The following MAP3K21 variants were observed in gnomAD, a reference collection of about 807,000 sequenced individuals.
MAP3K21 encodes the protein mitogen-activated protein kinase kinase kinase MLK4.
In MAP3K21, 63 loss-of-function variants were observed where a neutral mutation model predicts 86.1. That is an observed-to-expected ratio of 0.73 (90% CI 0.60 to 0.90). The LOEUF (loss-of-function observed/expected upper bound fraction) is 0.90, where lower values mean the gene tolerates loss of function less well. Among genes scored for constraint, MAP3K21 ranks in the 40% least tolerant of loss-of-function variants. The probability of loss-of-function intolerance (pLI) is 0.00; values close to 1 mark genes in which losing one functional copy is unlikely to be tolerated. For missense variants in MAP3K21, 1,220 were observed against 1,367.7 expected (o/e 0.89, Z 1.70); for synonymous variants, 558 against 564.8 (o/e 0.99, Z 0.17).
intron 4 of MAP3K21, among the ~76,000 whole-genome samples, chr1:233,355,236 AAAAG>A (rs1414165870): frequency 1.7e-5 from 2 of 119,906 alleles, no homozygotes; most frequent in Non-Finnish European, 3.5e-5. Flanking sequence ...TTCAAAGTAA[AAAAG>A]AGAGAGAGAG....
At chr1:233,382,269 T>C (rs750813362) in intron 9 of MAP3K21, 36 bp from the exon 10 acceptor site, 2 of 1,552,590 alleles carry the variant, frequency 1.3e-6, no homozygotes, top group South Asian at 2.3e-5. Flanking sequence ...ACTCATTTTC[T>C]TTCTAACTGC....
intron 9 of MAP3K21, 57 bp from the exon 10 acceptor site, chr1:233,382,248 A>G (rs1663931023): frequency 7.1e-7 from 1 of 1,406,238 alleles, no homozygotes; most frequent in South Asian, 1.3e-5. Context: ...CTTGATATTC[A>G]TTGTTTTAGA....
At chr1:233,333,074 T>C (rs1400899875) in intron 1 of MAP3K21, among the ~76,000 whole-genome samples, 1 of 152,206 alleles carries the variant, frequency 6.6e-6, no homozygotes, top group Non-Finnish European at 1.5e-5. Context: ...GGAATATAAA[T>C]TTTGTTTTAG....
At chr1:233,336,809 A>G (rs1243072617) in intron 1 of MAP3K21, among the ~76,000 whole-genome samples, 1 of 152,226 alleles carries the variant, frequency 6.6e-6, no homozygotes, top group Non-Finnish European at 1.5e-5. Context: ...GACCAGATTT[A>G]TGGATTCCTT....
At chr1:233,376,670 T>G in intron 8 of MAP3K21, 143 bp downstream of exon 8, 1 of 566,586 alleles carries the variant, frequency 1.8e-6, no homozygotes, top group Non-Finnish European at 3.1e-6. Context: ...TAGCTTTACT[T>G]AAATTCAGAA....
intron 1 of MAP3K21, among the ~76,000 whole-genome samples, chr1:233,333,685 G>C (rs1662855453): frequency 1.3e-5 from 2 of 152,136 alleles, no homozygotes; most frequent in African/African-American, 4.8e-5. Flanking sequence ...ATCCGTATTT[G>C]ATCAGTTTTG....
intron 8 of MAP3K21, among the ~76,000 whole-genome samples, chr1:233,377,565 G>C (rs1431404324): frequency 2.0e-5 from 3 of 152,086 alleles, no homozygotes; most frequent in African/African-American, 4.8e-5. Context: ...AAGAGCACAG[G>C]GTTCTTTGGA....
intron 9 of MAP3K21, among the ~76,000 whole-genome samples, chr1:233,381,444 G>A (rs76267432): frequency 0.05 from 7,655 of 152,144 alleles, 581 homozygotes; most frequent in African/African-American, 0.17. Flanking sequence ...TATTAAGTGA[G>A]GTAATATATA....
At chr1:233,337,922 G>A (rs944677284) in intron 1 of MAP3K21, among the ~76,000 whole-genome samples, 3 of 152,200 alleles carry the variant, frequency 2.0e-5, no homozygotes, top group African/African-American at 4.8e-5. Context: ...TTGGCTTCAC[G>A]TGATTTTAAG....
chr1:233,347,013 C>T (rs1663154613), intron 2 of MAP3K21, among the ~76,000 whole-genome samples: 2 of 152,120 alleles, frequency 1.3e-5, no homozygotes. Context: ...GTAGCTAGGA[C>T]CACAGGTGTG....
intron 2 of MAP3K21, among the ~76,000 whole-genome samples, chr1:233,352,591 C>T (rs771674505): frequency 4.6e-5 from 7 of 152,040 alleles, no homozygotes; most frequent in Middle Eastern, 3.4e-3. Flanking sequence ...CCACCATGCC[C>T]GGGTCATTTT....
intron 5 of MAP3K21, among the ~76,000 whole-genome samples, chr1:233,371,337 C>T (rs1172053915): frequency 6.6e-6 from 1 of 152,034 alleles, no homozygotes; most frequent in Admixed American, 6.6e-5. Flanking sequence ...AAATCCAGGG[C>T]CATTTCAATT....
intron 1 of MAP3K21, among the ~76,000 whole-genome samples, chr1:233,341,491 G>A (rs1185915756): frequency 2.6e-5 from 4 of 152,092 alleles, no homozygotes; most frequent in African/African-American, 7.2e-5. Context: ...CTTGTTTTCC[G>A]TGAGCCTGCA....
intron 2 of MAP3K21, among the ~76,000 whole-genome samples, chr1:233,351,716 T>G: frequency 6.7e-6 from 1 of 149,218 alleles, no homozygotes. Flanking sequence ...AAAAAAAGGT[T>G]ATGTATAACC....
chr1:233,362,396 G>A (rs1663481744), intron 5 of MAP3K21, 103 bp downstream of exon 5: 1 of 1,247,786 alleles, frequency 8.0e-7, no homozygotes, highest in Non-Finnish European at 1.1e-6. Context: ...AAGTAACTTT[G>A]TAAAACAGTG....
chr1:233,358,705 G>A (rs1454739270), intron 4 of MAP3K21, among the ~76,000 whole-genome samples: 3 of 151,968 alleles, frequency 2.0e-5, no homozygotes, highest in Non-Finnish European at 4.4e-5. Context: ...CGAGGTGAGA[G>A]GATTGCTTGA....
At chr1:233,335,870 G>C (rs1180889788) in intron 1 of MAP3K21, among the ~76,000 whole-genome samples, 1 of 152,164 alleles carries the variant, frequency 6.6e-6, no homozygotes, top group Non-Finnish European at 1.5e-5. Flanking sequence ...TAATGAGGAT[G>C]GTGGCATTTA....
intron 5 of MAP3K21, among the ~76,000 whole-genome samples, chr1:233,364,766 G>A (rs1663541109): frequency 6.6e-6 from 1 of 151,766 alleles, no homozygotes; most frequent in African/African-American, 2.4e-5. Context: ...TTACTTTTTG[G>A]CACTTAATGA....
At chr1:233,380,107 T>C (rs12047202) in intron 9 of MAP3K21, among the ~76,000 whole-genome samples, 31,488 of 152,180 alleles carry the variant, frequency 0.21, 3,520 homozygotes, top group East Asian at 0.32. Flanking sequence ...CATGTCATTG[T>C]TCTGTTTCTG....
Sources: gnomAD v4.1 joint callset for allele counts (sites outside exome capture counted in the v4.1 genomes callset) on GRCh38, gnomAD v4.1.1 for gene constraint, MANE v1.5 for transcripts, NCBI Gene and HGNC (gene_info 2026-07-23, HGNC 2026-07-21) for gene names.